Variants in ARFGAP3 observed in about 807,000 individuals in gnomAD.
The protein encoded by ARFGAP3 is ADP-ribosylation factor GTPase-activating protein 3.
Under a neutral mutation model 75.0 loss-of-function variants are expected in ARFGAP3, and 72 were observed. The observed-to-expected ratio is 0.96, with a 90% CI of 0.79 to 1.17. The LOEUF (loss-of-function observed/expected upper bound fraction) is 1.17. Among genes scored for constraint, ARFGAP3 ranks in the 50% most tolerant of loss-of-function variants. The pLI, the probability that ARFGAP3 is intolerant of heterozygous loss-of-function variation, is 0.00. For synonymous variants in ARFGAP3, 221 were observed against 217.9 expected (o/e 1.01, Z -0.13); for missense variants, 620 against 626.6 (o/e 0.99, Z 0.11).
intron 4 of ARFGAP3, 84 bp from the exon 5 acceptor site, chr22:42,834,409 A>G: frequency 6.5e-7 from 1 of 1,548,624 alleles, no homozygotes. Context: ...TCCCTTAGAG[A>G]CCTGTTTCCT....
intron 9 of ARFGAP3, among the ~76,000 whole-genome samples, chr22:42,820,602 C>T (rs1355182429): frequency 6.6e-6 from 1 of 152,104 alleles, no homozygotes; most frequent in Non-Finnish European, 1.5e-5. Flanking sequence ...GTGTTATTTT[C>T]TTCATCATAC....
At position 42,799,036 on chromosome 22, in the gene ARFGAP3, G is replaced by A. The variant is rs1924730828; in HGVS notation, c.1533+3C>T. 6.2e-7 allele frequency: 1 copy of A among 1,613,788 alleles called. No homozygotes were observed. The highest frequency in any genetic ancestry group is 1.7e-5 in the Admixed American group (1 of 60,000). ...CCAGTGAGCACTGCCCCATTCCACT[G>A]ACCTGAATTGAAGTCACGACTCCAT... On this transcript the variant is annotated splice_donor_region_variant and intron_variant, in intron 15 of 15. Coordinates refer to ENST00000263245, the MANE Select transcript of ARFGAP3 (RefSeq NM_014570.5).
rs140377812 is a variant in ARFGAP3, at chr22:42,808,876, C to T, written c.1211G>A (p.Arg404His). Residue 404 changes from arginine to histidine, a missense_variant, in exon 13 of 16, where the codon CGC becomes CAC. Arg to His is a conservative substitution (Grantham distance 29). Coordinates refer to ENST00000263245, the MANE Select transcript of ARFGAP3 (RefSeq NM_014570.5). ...TGYSDRPTAR[R>H]KPDYEPVENT... ...TTCAACTGGCTCATAATCTGGCTTG[C>T]GGCGAGCAGTAGGTCTGCAATTAAA... 315 of 1,609,958 alleles carry T rather than the reference C, an allele frequency of 2.0e-4. 1 individual carries two copies. In the African/African-American group the frequency reaches 3.9e-3, roughly 20 times the overall value.
At chr22:42,855,379 A>G (rs969562412) in intron 1 of ARFGAP3, among the ~76,000 whole-genome samples, 1 of 152,202 alleles carries the variant, frequency 6.6e-6, no homozygotes, top group African/African-American at 2.4e-5. Context: ...CTTTATAAAC[A>G]CATCAATCTA....
intron 2 of ARFGAP3, among the ~76,000 whole-genome samples, chr22:42,842,370 A>G (rs1229979833): frequency 7.1e-6 from 1 of 140,332 alleles, no homozygotes; most frequent in African/African-American, 2.7e-5. Context: ...ATGGTCTAGA[A>G]CTCCTGGGCT....
intron 5 of ARFGAP3, among the ~76,000 whole-genome samples, chr22:42,831,976 T>A (rs1926310227): frequency 6.6e-6 from 1 of 150,930 alleles, no homozygotes; most frequent in African/African-American, 2.4e-5. Context: ...AGAGAAGGAG[T>A]CTCACTATGC....
chr22:42,826,899 C>T, intron 7 of ARFGAP3, 41 bp downstream of exon 7: 1 of 1,579,576 alleles, frequency 6.3e-7, no homozygotes. Flanking sequence ...CTTAATGAGT[C>T]ATACACTTTA....
At chr22:42,827,120 C>A in intron 6 of ARFGAP3, 121 bp from the exon 7 acceptor site, 1 of 1,402,996 alleles carries the variant, frequency 7.1e-7, no homozygotes. Context: ...TGATCACCTA[C>A]CTTTTTAGCT....
intron 14 of ARFGAP3, among the ~76,000 whole-genome samples, chr22:42,802,456 T>A (rs1315178851): frequency 6.7e-6 from 1 of 149,986 alleles, no homozygotes; most frequent in African/African-American, 2.5e-5. Context: ...CAGATAATTT[T>A]TTTTTTTTTG....
Position 42,799,081 on chromosome 22 carries a change from T to C in ARFGAP3, c.1491A>G (p.Gly497=). 1 of 1,614,164 alleles carries C rather than the reference T, an allele frequency of 6.2e-7. No homozygotes were observed. The change falls in exon 15 of 16, where the codon GGA becomes GGG. Residue 497 remains glycine (G), a synonymous_variant. Coordinates refer to ENST00000263245, the MANE Select transcript of ARFGAP3 (RefSeq NM_014570.5). ...CTCCATTAGCAAAGACGGAGAGTTTTCCAGCAACCGATCTCACTCCCTGCT... is the reference window on the plus strand; with the variant it reads ...CTCCATTAGCAAAGACGGAGAGTTTCCCAGCAACCGATCTCACTCCCTGCT... ...QFKQGVRSVA[G]KLSVFANGVV... is the part of the protein sequence containing the mutation.
chr22:42,850,035 G>A (rs770118464), intron 1 of ARFGAP3, among the ~76,000 whole-genome samples: 20 of 152,088 alleles, frequency 1.3e-4, no homozygotes, highest in Admixed American at 3.9e-4. Context: ...CTTTAAAAAC[G>A]TATTGCCAGC....
At chr22:42,836,557 G>A (rs1017875846) in intron 3 of ARFGAP3, among the ~76,000 whole-genome samples, 1 of 152,108 alleles carries the variant, frequency 6.6e-6, no homozygotes, top group Non-Finnish European at 1.5e-5. Flanking sequence ...TACAATATAG[G>A]TAAGATGATA....
intron 11 of ARFGAP3, among the ~76,000 whole-genome samples, chr22:42,812,858 G>C (rs543501728): frequency 2.6e-5 from 4 of 152,350 alleles, no homozygotes; most frequent in African/African-American, 9.6e-5. Context: ...AGTGTATCTG[G>C]ATTTCAGCTA....
chr22:42,802,245 G>T (rs1924894682), intron 14 of ARFGAP3, among the ~76,000 whole-genome samples: 1 of 151,938 alleles, frequency 6.6e-6, no homozygotes, highest in African/African-American at 2.4e-5. Flanking sequence ...TGACGTGGGA[G>T]GTGGAAGTTT....
intron 1 of ARFGAP3, among the ~76,000 whole-genome samples, chr22:42,856,276 C>T (rs187828844): frequency 6.6e-6 from 1 of 152,274 alleles, no homozygotes; most frequent in Non-Finnish European, 1.5e-5. Flanking sequence ...GCCAGCATAT[C>T]GAGGTTCAAT....
At chr22:42,809,984 ACAGAGCAAGACTCCAT>A (rs1322322173) in intron 12 of ARFGAP3, among the ~76,000 whole-genome samples, 1 of 137,570 alleles carries the variant, frequency 7.3e-6, no homozygotes, top group Non-Finnish European at 1.5e-5. Flanking sequence ...AGCCTGGGTG[ACAGAGCAAGACTCCAT>A]CTTAAAAAAA....
chr22:42,799,864 C>G (rs1924777806), intron 14 of ARFGAP3, among the ~76,000 whole-genome samples: 1 of 152,218 alleles, frequency 6.6e-6, no homozygotes. Context: ...ACTTAGAAGC[C>G]AAGCTCCACT....
intron 14 of ARFGAP3, 68 bp downstream of exon 14, chr22:42,807,005 C>T (rs1455495745): frequency 5.6e-6 from 8 of 1,433,818 alleles, no homozygotes; most frequent in African/African-American, 2.9e-5. Flanking sequence ...AGGAAACAGT[C>T]CTATCCAGAT....
chr22:42,840,868 G>A, intron 3 of ARFGAP3, 76 bp downstream of exon 3: 1 of 1,485,286 alleles, frequency 6.7e-7, no homozygotes, highest in Non-Finnish European at 9.3e-7. Flanking sequence ...ACTGCACCTA[G>A]CCTGAGCTTC....
Sources: allele counts gnomAD v4.1 joint callset (sites outside exome capture counted in the v4.1 genomes callset), GRCh38; gene constraint gnomAD v4.1.1; transcripts MANE v1.5; gene names NCBI Gene and HGNC (gene_info 2026-07-23, HGNC 2026-07-21).